Variants in NUP210L observed in about 807,000 individuals in gnomAD.
The protein encoded by NUP210L is nucleoporin 210 like.
A neutral mutation model predicts 208.5 loss-of-function variants in NUP210L; 74 were observed. The observed-to-expected ratio is 0.35, with a 90% CI of 0.29 to 0.43. The LOEUF (loss-of-function observed/expected upper bound fraction) is 0.43, where lower values mean the gene tolerates loss of function less well. NUP210L is among the 20% of genes least tolerant of loss of function. NUP210L has a pLI of 1.00. For synonymous variants in NUP210L, 780 were observed against 816.9 expected, an observed-to-expected ratio of 0.95 and a Z score of 0.77; for missense variants, 1,843 against 2,289.4, an observed-to-expected ratio of 0.81 and a Z score of 3.98.
At chr1:154,019,856 G>C (rs1425949246) in intron 32 of NUP210L, among the ~76,000 whole-genome samples, 1 of 151,250 alleles carries the variant, frequency 6.6e-6, no homozygotes, top group Non-Finnish European at 1.5e-5. Flanking sequence ...AACCCAGAAG[G>C]TGGAGGTTGA....
intron 8 of NUP210L, 126 bp downstream of exon 8, chr1:154,129,151 G>A: frequency 1.7e-6 from 1 of 587,090 alleles, no homozygotes; most frequent in African/African-American, 1.9e-5. Flanking sequence ...ACATGTCAAA[G>A]TAAGGTTGAA....
intron 3 of NUP210L, 44 bp from the exon 4 acceptor site, chr1:154,141,568 A>T (rs762326824): frequency 1.7e-6 from 2 of 1,149,346 alleles, no homozygotes; most frequent in Non-Finnish European, 2.6e-6. Flanking sequence ...TCACGTATTT[A>T]AAAATATTCA....
At chr1:154,025,458 G>C (rs1651824807) in intron 30 of NUP210L, 84 bp downstream of exon 30, 1 of 886,064 alleles carries the variant, frequency 1.1e-6, no homozygotes, top group Non-Finnish European at 1.5e-6. Context: ...AAAATTTCTA[G>C]TTTTTTAAAA....
intron 17 of NUP210L, among the ~76,000 whole-genome samples, chr1:154,067,929 C>T (rs1367608709): frequency 1.3e-5 from 2 of 152,174 alleles, no homozygotes; most frequent in African/African-American, 4.8e-5. Context: ...CAAACCACTG[C>T]TTAACGAAAT....
chr1:154,071,975 C>CGTGT (rs57566189), intron 16 of NUP210L, among the ~76,000 whole-genome samples: 129 of 148,462 alleles, frequency 8.7e-4, no homozygotes, highest in East Asian at 1.2e-3. Flanking sequence ...TATTCCATCG[C>CGTGT]GTGTGTGTGT....
At chr1:154,049,020 A>C (rs1436475441) in intron 25 of NUP210L, among the ~76,000 whole-genome samples, 2 of 152,180 alleles carry the variant, frequency 1.3e-5, no homozygotes, top group African/African-American at 4.8e-5. Context: ...AACTACTGAT[A>C]AACATCCTCC....
chr1:154,055,984 A>T (rs1020090076), intron 23 of NUP210L, among the ~76,000 whole-genome samples: 2 of 152,126 alleles, frequency 1.3e-5, no homozygotes, highest in Non-Finnish European at 2.9e-5. Context: ...GCTTGAACCC[A>T]GAAGGCAGAG....
chr1:154,021,788 C>T (rs1651581091), intron 32 of NUP210L, among the ~76,000 whole-genome samples: 1 of 152,128 alleles, frequency 6.6e-6, no homozygotes, highest in East Asian at 1.9e-4. Context: ...ATCAATATTA[C>T]TGGCTGGCTT....
At chr1:154,075,971 C>T (rs1032711705) in intron 16 of NUP210L, among the ~76,000 whole-genome samples, 1 of 151,072 alleles carries the variant, frequency 6.6e-6, no homozygotes, top group African/African-American at 2.4e-5. Context: ...TGTATTTTTG[C>T]AGAGGTGGGG....
At chr1:154,013,580 A>G (rs200361244) in intron 33 of NUP210L, among the ~76,000 whole-genome samples, 19,549 of 151,980 alleles carry the variant, frequency 0.13, 2,181 homozygotes, top group African/African-American at 0.29. Flanking sequence ...TCTCAAAAAA[A>G]CAAAACAAAA....
At chr1:154,036,661 A>G (rs1234147562) in intron 27 of NUP210L, among the ~76,000 whole-genome samples, 1 of 151,070 alleles carries the variant, frequency 6.6e-6, no homozygotes, top group African/African-American at 2.4e-5. Flanking sequence ...TACCGTGCCC[A>G]GCCAGAACAT....
At chr1:154,083,329 T>C (rs1431134338) in intron 16 of NUP210L, among the ~76,000 whole-genome samples, 5 of 152,202 alleles carry the variant, frequency 3.3e-5, no homozygotes, top group Non-Finnish European at 7.3e-5. Context: ...TACAGAGTGC[T>C]GATTGATGTG....
At chr1:154,111,986 G>A (rs1290262285) in intron 12 of NUP210L, among the ~76,000 whole-genome samples, 1 of 151,352 alleles carries the variant, frequency 6.6e-6, no homozygotes. Context: ...GGAGTGCAAT[G>A]GCGCGATCTC....
intron 2 of NUP210L, among the ~76,000 whole-genome samples, chr1:154,148,430 C>A (rs1297709383): frequency 6.6e-6 from 1 of 152,060 alleles, no homozygotes; most frequent in African/African-American, 2.4e-5. Flanking sequence ...TTGCAGTGAG[C>A]CCAGATAGTG....
At chr1:154,011,679 GTTTTTTTTTTTT>G (rs34653809) in intron 34 of NUP210L, among the ~76,000 whole-genome samples, 20 of 78,424 alleles carry the variant, frequency 2.6e-4, no homozygotes, top group African/African-American at 9.3e-4. Context: ...ATTATCTTAA[GTTTTTTTTTTTT>G]TTTTTTTTTT....
intron 27 of NUP210L, among the ~76,000 whole-genome samples, chr1:154,044,238 T>A (rs1653049846): frequency 6.6e-6 from 1 of 151,840 alleles, no homozygotes; most frequent in Non-Finnish European, 1.5e-5. Flanking sequence ...AAACCCCGTC[T>A]CTACTAAAAA....
At chr1:154,061,526 A>G in intron 18 of NUP210L, 60 bp downstream of exon 18, 1 of 1,023,154 alleles carries the variant, frequency 9.8e-7, no homozygotes, top group South Asian at 1.4e-5. Context: ...CAACTTTTAA[A>G]GAAGAGCTTT....
intron 1 of NUP210L, among the ~76,000 whole-genome samples, chr1:154,153,605 C>T (rs568791225): frequency 1.1e-4 from 16 of 150,948 alleles, no homozygotes; most frequent in African/African-American, 3.2e-4. Context: ...CCACTGCGCC[C>T]GGCCGAATGT....
chr1:154,097,164 T>G (rs1331957411), intron 14 of NUP210L, among the ~76,000 whole-genome samples: 1 of 152,080 alleles, frequency 6.6e-6, no homozygotes, highest in African/African-American at 2.4e-5. Flanking sequence ...GCAAAACAAA[T>G]GATTCCTTTT....
Sources: allele counts gnomAD v4.1 joint callset (sites outside exome capture counted in the v4.1 genomes callset), GRCh38; gene constraint gnomAD v4.1.1; transcripts MANE v1.5; gene names NCBI Gene and HGNC (gene_info 2026-07-23, HGNC 2026-07-21).